PATJ: variants seen among roughly 807,000 people sequenced by gnomAD.
The protein encoded by PATJ is PATJ crumbs cell polarity complex component, also known as inaD-like protein.
Under a neutral mutation model 224.9 loss-of-function variants are expected in PATJ, and 190 were observed. The observed-to-expected ratio is 0.84, with a 90% CI of 0.75 to 0.95. The LOEUF is 0.95. Ranked by LOEUF, PATJ falls within the 40% of genes least tolerant of loss-of-function variation. The pLI is 0.00. For missense variants in PATJ, 2,121 were observed against 2,270.3 expected, an observed-to-expected ratio of 0.93 and a Z score of 1.34; for synonymous variants, 769 against 820.3, an observed-to-expected ratio of 0.94 and a Z score of 1.07.
intron 28 of PATJ, among the ~76,000 whole-genome samples, chr1:61,998,312 G>T (rs1460084998): frequency 2.0e-5 from 3 of 151,836 alleles, no homozygotes; most frequent in Non-Finnish European, 4.4e-5. Flanking sequence ...TCGAACTCCT[G>T]ACCTTAAGTG....
intron 27 of PATJ, among the ~76,000 whole-genome samples, chr1:61,928,979 T>G (rs1171788086): frequency 6.6e-6 from 1 of 152,198 alleles, no homozygotes; most frequent in Non-Finnish European, 1.5e-5. Flanking sequence ...TGCTATGAAG[T>G]GAATAACACA....
Position 61,781,717 on chromosome 1 carries a change from T to TCCC in PATJ, c.850-6035_850-6033dup, listed in dbSNP as rs1647373602. 2.0e-5 allele frequency among the ~76,000 whole-genome samples: 3 copies of TCCC among 152,084 alleles called. No individual in the cohort carries two copies. In the South Asian group the frequency reaches 6.2e-4, roughly 31 times the overall value. On this transcript the variant is annotated intron_variant, in intron 7 of 43. Transcript: ENST00000642238. The stretch of plus-strand genomic sequence containing the variant: ...GCTTAATTCTATGTTTCTAAAATAG[T>TCCC]CCCCAAGACCACTAGATTTGATGAC...
intron 33 of PATJ, among the ~76,000 whole-genome samples, chr1:62,095,908 G>A (rs1012864851): frequency 6.6e-6 from 1 of 152,038 alleles, no homozygotes; most frequent in African/African-American, 2.4e-5. Context: ...AATATATAGT[G>A]TTGGTTCATT....
chr1:61,797,594 C>T (rs1013530999), intron 11 of PATJ, among the ~76,000 whole-genome samples, 166 bp downstream of exon 11: 1 of 152,180 alleles, frequency 6.6e-6, no homozygotes, highest in Admixed American at 6.5e-5. Flanking sequence ...CAAGTGTTTT[C>T]TTTGCTTACT....
intron 33 of PATJ, among the ~76,000 whole-genome samples, chr1:62,107,843 A>G (rs1230492306): frequency 1.3e-5 from 2 of 152,170 alleles, no homozygotes; most frequent in Non-Finnish European, 2.9e-5. Flanking sequence ...TCCTAATTTT[A>G]TGGCTCAGAT....
Position 61,936,933 on chromosome 1 carries a change from T to A in PATJ, c.3670+9104T>A, listed in dbSNP as rs916239807. 1.8e-4 allele frequency among the ~76,000 whole-genome samples: 28 copies of A among 152,158 alleles called. 1 individual carries two copies. Among genetic ancestry groups the A allele is most frequent in the Non-Finnish European group, 2.9e-5 (2 of 68,038 alleles). ...AGTATTATCTACTTAGGAAATGTGATATAAATTTCCTAATAGCAATAACTG... is the reference window on the plus strand; with the variant it reads ...AGTATTATCTACTTAGGAAATGTGAAATAAATTTCCTAATAGCAATAACTG... On this transcript the variant is annotated intron_variant, in intron 27 of 43. Coordinates refer to ENST00000642238, the MANE Select transcript of PATJ (RefSeq NM_001350145.3).
At chr1:61,956,497 T>G (rs1680460162) in intron 27 of PATJ, among the ~76,000 whole-genome samples, 1 of 152,160 alleles carries the variant, frequency 6.6e-6, no homozygotes, top group African/African-American at 2.4e-5. Context: ...AGGCAGCACC[T>G]TAGAGTTCCA....
chr1:62,134,477 C>G (rs1666613335), intron 41 of PATJ, among the ~76,000 whole-genome samples: 1 of 151,768 alleles, frequency 6.6e-6, no homozygotes. Flanking sequence ...TCCCGAGTAG[C>G]TGGGATTACA....
rs145074903 is a variant in PATJ at position 62,041,961 on chromosome 1, T to G, written c.4032+3912T>G. 5.9e-4 allele frequency among the ~76,000 whole-genome samples: 89 copies of G among 152,066 alleles called. 2 individuals are homozygous for G. In the East Asian group the frequency reaches 0.015, roughly 25 times the overall value. On this transcript the variant is annotated intron_variant, in intron 30 of 43. Transcript: ENST00000642238. ...GAGATCGTGCCACCGCACTCCAGCC[T>G]GGGCGACAGAGAAAGACTCCATCTC...
intron 17 of PATJ, among the ~76,000 whole-genome samples, chr1:61,848,639 C>A (rs935184023): frequency 5.9e-5 from 9 of 151,896 alleles, no homozygotes; most frequent in African/African-American, 2.2e-4. Context: ...TGGTCTTGAC[C>A]TCCTGGACTC....
At chr1:61,980,683 C>T (rs1644405262) in intron 27 of PATJ, among the ~76,000 whole-genome samples, 1 of 152,014 alleles carries the variant, frequency 6.6e-6, no homozygotes, top group Non-Finnish European at 1.5e-5. Context: ...CCTTTTCTCA[C>T]CCCATTGGTT....
chr1:61,765,066 ATTTTTTTTTTTTT>A (rs71582647), intron 3 of PATJ, among the ~76,000 whole-genome samples: 221 of 24,038 alleles, frequency 9.2e-3, no homozygotes, highest in African/African-American at 0.019. Context: ...ATTGACATTC[ATTTTTTTTTTTTT>A]TTTTTTTTTT....
Position 61,890,231 on chromosome 1 carries a change from C to T in PATJ, c.3131+5823C>T, listed in dbSNP as rs1051354987. On this transcript the variant is annotated intron_variant, in intron 22 of 43. Transcript: ENST00000642238. ...TGGTGGCTCACGCCTGTAATCCCAG[C>T]ACTTTATGTGGCCAAGGTGGGAGAA... is the stretch of plus-strand genomic sequence containing the variant. Among the ~76,000 whole-genome samples the T allele has an allele frequency of 3.0e-4, 45 of 152,268 alleles. No homozygotes were observed. The East Asian group carries it at 7.7e-3, about 26-fold the overall frequency.
chr1:61,803,636 A>G (rs190964507), intron 12 of PATJ, among the ~76,000 whole-genome samples: 161 of 152,340 alleles, frequency 1.1e-3, no homozygotes, highest in Middle Eastern at 3.4e-3. Flanking sequence ...TAAAAATGAC[A>G]TACCATTTTT....
intron 27 of PATJ, among the ~76,000 whole-genome samples, chr1:61,971,257 C>T (rs2482893): frequency 0.3 from 45,710 of 152,030 alleles, 8,982 homozygotes; most frequent in African/African-American, 0.56. Flanking sequence ...CTCTACCAAC[C>T]TGCCTCTTCT....
intron 7 of PATJ, among the ~76,000 whole-genome samples, chr1:61,784,662 T>C (rs1648107646): frequency 6.6e-6 from 1 of 152,208 alleles, no homozygotes; most frequent in African/African-American, 2.4e-5. Context: ...ACATATATAT[T>C]TTTTAATTTT....
At chr1:61,863,339 C>T (rs1247019627) in intron 19 of PATJ, among the ~76,000 whole-genome samples, 3 of 152,032 alleles carry the variant, frequency 2.0e-5, no homozygotes, top group African/African-American at 7.2e-5. Flanking sequence ...CCCAGCCCTA[C>T]TGTGTTAATT....
chr1:61,780,024 C>T (rs1647159321), intron 7 of PATJ, among the ~76,000 whole-genome samples: 1 of 152,146 alleles, frequency 6.6e-6, no homozygotes, highest in African/African-American at 2.4e-5. Flanking sequence ...GAGGGATTCA[C>T]CCCCATGACC....
At chr1:61,798,861 G>A (rs1003838229) in intron 11 of PATJ, among the ~76,000 whole-genome samples, 1 of 151,920 alleles carries the variant, frequency 6.6e-6, no homozygotes, top group African/African-American at 2.4e-5. Context: ...GCCGGCCTGC[G>A]TGACAGAGTG....
Sources: gnomAD v4.1 joint callset for allele counts (sites outside exome capture counted in the v4.1 genomes callset) on GRCh38, gnomAD v4.1.1 for gene constraint, MANE v1.5 for transcripts, NCBI Gene and HGNC (gene_info 2026-07-23, HGNC 2026-07-21) for gene names.